The following MACROD2 variants were observed in gnomAD, a reference collection of about 807,000 sequenced individuals.
MACROD2 encodes mono-ADP ribosylhydrolase 2, also known as ADP-ribose glycohydrolase MACROD2.
Under a neutral mutation model 70.4 loss-of-function variants are expected in MACROD2, and 36 were observed. The observed-to-expected ratio is 0.51, with a 90% confidence interval of 0.39 to 0.68. The LOEUF (loss-of-function observed/expected upper bound fraction) is 0.68, where lower values mean the gene tolerates loss of function less well. MACROD2 is among the 30% of genes least tolerant of loss of function. The pLI is 0.00. For missense variants in MACROD2, 496 were observed against 538.4 expected (o/e 0.92, Z 0.78); for synonymous variants, 172 against 178.8 (o/e 0.96, Z 0.30).
At chr20:15,739,521 C>T (rs1184101810) in intron 8 of MACROD2, among the ~76,000 whole-genome samples, 2 of 152,070 alleles carry the variant, frequency 1.3e-5, no homozygotes, top group East Asian at 1.9e-4. Flanking sequence ...GGCCAAGAGA[C>T]AGGAAGTGTA....
Position 14,401,740 on chromosome 20 carries a change from GT to G in MACROD2, c.272-91730del, listed in dbSNP as rs951345474. ...GTTTTGTTGGTTCACAGATCTGTCTGTTTTTTTTTCCCCAATACAAATTTGA... is the reference window on the plus strand; with the variant it reads ...GTTTTGTTGGTTCACAGATCTGTCTGTTTTTTTTCCCCAATACAAATTTGA... On this transcript the variant is annotated intron_variant, in intron 3 of 17. Transcript: ENST00000684519. Among the ~76,000 whole-genome samples, 279 of 150,954 alleles carry G rather than the reference GT, an allele frequency of 1.8e-3. 2 individuals carry two copies. Among genetic ancestry groups the G allele is most frequent in the African/African-American group, 6.5e-3 (266 of 41,158 alleles).
intron 5 of MACROD2, among the ~76,000 whole-genome samples, chr20:15,097,661 G>A (rs1014099545): frequency 6.6e-6 from 1 of 152,120 alleles, no homozygotes; most frequent in East Asian, 1.9e-4. Context: ...AGAAAAAAAT[G>A]AACAAGTACA....
At chr20:15,191,955 A>G (rs2076574357) in intron 5 of MACROD2, among the ~76,000 whole-genome samples, 1 of 133,878 alleles carries the variant, frequency 7.5e-6, no homozygotes, top group East Asian at 2.3e-4. Flanking sequence ...GTTAATACAT[A>G]TATACAACTT....
chr20:14,278,297 G>A (rs778827006), intron 3 of MACROD2, among the ~76,000 whole-genome samples: 1 of 152,122 alleles, frequency 6.6e-6, no homozygotes, highest in African/African-American at 2.4e-5. Context: ...AGTCATGCAC[G>A]CACACACTGA....
chr20:14,822,896 T>TA (rs987336622), intron 5 of MACROD2, among the ~76,000 whole-genome samples: 1 of 151,828 alleles, frequency 6.6e-6, no homozygotes, highest in Non-Finnish European at 1.5e-5. Context: ...TATTTATATC[T>TA]AAAAAAAAGT....
At chr20:15,307,067 A>G (rs538818899) in intron 6 of MACROD2, among the ~76,000 whole-genome samples, 2 of 151,986 alleles carry the variant, frequency 1.3e-5, no homozygotes, top group Admixed American at 6.6e-5. Context: ...TCCATAAGGC[A>G]CCCCACCCCA....
chr20:14,105,008 G>A (rs1189990901), intron 3 of MACROD2, among the ~76,000 whole-genome samples: 1 of 152,164 alleles, frequency 6.6e-6, no homozygotes, highest in Non-Finnish European at 1.5e-5. Context: ...ATGAGGCCTA[G>A]GGGCTGGCTA....
At chr20:14,436,083 G>A (rs34522477) in intron 3 of MACROD2, among the ~76,000 whole-genome samples, 23,621 of 151,994 alleles carry the variant, frequency 0.16, 2,611 homozygotes, top group Non-Finnish European at 0.23. Flanking sequence ...ACAATACAAA[G>A]CAATCTTTTC....
At chr20:15,321,161 G>C (rs2077870473) in intron 6 of MACROD2, among the ~76,000 whole-genome samples, 1 of 105,468 alleles carries the variant, frequency 9.5e-6, no homozygotes, top group African/African-American at 2.9e-5. Flanking sequence ...AGGGCTGCCA[G>C]GCAGACAGTG....
intron 8 of MACROD2, among the ~76,000 whole-genome samples, chr20:15,549,074 C>T (rs1257687730): frequency 1.3e-5 from 2 of 152,208 alleles, no homozygotes; most frequent in African/African-American, 4.8e-5. Flanking sequence ...GCCCTGAATC[C>T]ATCATCCTCA....
At chr20:15,957,244 C>T (rs1322312668) in intron 12 of MACROD2, among the ~76,000 whole-genome samples, 2 of 152,124 alleles carry the variant, frequency 1.3e-5, no homozygotes, top group African/African-American at 4.8e-5. Flanking sequence ...TGTGATAATT[C>T]ATCAAGCTGC....
intron 8 of MACROD2, among the ~76,000 whole-genome samples, chr20:15,743,868 T>A (rs906472588): frequency 5.9e-5 from 9 of 152,192 alleles, no homozygotes; most frequent in African/African-American, 1.9e-4. Context: ...TTATAGAATA[T>A]CAACTTATAC....
chr20:15,247,146 AAGAAC>A (rs1346558161), intron 6 of MACROD2, among the ~76,000 whole-genome samples: 1 of 152,224 alleles, frequency 6.6e-6, no homozygotes, highest in East Asian at 1.9e-4. Context: ...TGAATATACT[AAGAAC>A]ACTGATTTGC....
chr20:14,396,052 C>T (rs1234035135), intron 3 of MACROD2, among the ~76,000 whole-genome samples: 2 of 152,138 alleles, frequency 1.3e-5, no homozygotes, highest in Non-Finnish European at 2.9e-5. Context: ...ACTGCACCTG[C>T]TATGGATTTC....
chr20:14,645,477 ATG>A (rs1199900260), intron 4 of MACROD2, among the ~76,000 whole-genome samples: 2 of 152,140 alleles, frequency 1.3e-5, no homozygotes, highest in East Asian at 3.9e-4. Flanking sequence ...CTAAAGTAAT[ATG>A]TGTTTGCTTT....
At chr20:14,994,601 TATA>T (rs2074934064) in intron 5 of MACROD2, among the ~76,000 whole-genome samples, 1 of 151,624 alleles carries the variant, frequency 6.6e-6, no homozygotes, top group Non-Finnish European at 1.5e-5. Context: ...CCAAAAAATA[TATA>T]ATAAATAAAA....
intron 6 of MACROD2, among the ~76,000 whole-genome samples, chr20:15,326,606 T>C (rs2077932438): frequency 6.6e-6 from 1 of 152,182 alleles, no homozygotes; most frequent in East Asian, 1.9e-4. Flanking sequence ...ATCACGCATC[T>C]ATCTTGGAAG....
At chr20:15,449,544 C>CA (rs1235530200) in intron 7 of MACROD2, among the ~76,000 whole-genome samples, 1 of 151,962 alleles carries the variant, frequency 6.6e-6, no homozygotes, top group South Asian at 2.1e-4. Context: ...ATGCATTTTC[C>CA]AAAAAAATAA....
chr20:14,227,379 C>T (rs1178079729), intron 3 of MACROD2, among the ~76,000 whole-genome samples: 7 of 152,176 alleles, frequency 4.6e-5, no homozygotes, highest in South Asian at 4.1e-4. Context: ...TTTGGGTCCA[C>T]GCTACCTTTA....
Sources: gnomAD v4.1 joint callset for allele counts (sites outside exome capture counted in the v4.1 genomes callset) on GRCh38, gnomAD v4.1.1 for gene constraint, MANE v1.5 for transcripts, NCBI Gene and HGNC (gene_info 2026-07-23, HGNC 2026-07-21) for gene names.